Variants in WDSUB1 observed in about 807,000 individuals in gnomAD.
The protein encoded by WDSUB1 is WD repeat, SAM and U-box domain-containing protein 1.
A neutral mutation model predicts 53.9 loss-of-function variants in WDSUB1; 49 were observed. The observed-to-expected ratio is 0.91, with a 90% CI of 0.72 to 1.15. WDSUB1 has a LOEUF of 1.15. WDSUB1 is among the 50% of genes most tolerant of loss of function. The probability of loss-of-function intolerance (pLI) is 0.00; values close to 1 mark genes in which losing one functional copy is unlikely to be tolerated. For missense variants in WDSUB1, 514 were observed against 562.0 expected (o/e 0.91, Z 0.86); for synonymous variants, 194 against 200.6 (o/e 0.97, Z 0.28).
intron 6 of WDSUB1, among the ~76,000 whole-genome samples, chr2:159,259,469 C>A (rs914626646): frequency 3.9e-5 from 6 of 152,308 alleles, no homozygotes; most frequent in African/African-American, 1.4e-4. Context: ...TCACCAAAAA[C>A]CCTAGGGTAA....
intron 3 of WDSUB1, among the ~76,000 whole-genome samples, chr2:159,277,387 C>T (rs73967302): frequency 0.029 from 4,340 of 152,232 alleles, 196 homozygotes; most frequent in African/African-American, 0.094. Flanking sequence ...ATTAGCAACG[C>T]TATTTGTTTC....
chr2:159,273,489 C>T (rs763467277), intron 4 of WDSUB1, among the ~76,000 whole-genome samples: 13 of 151,990 alleles, frequency 8.6e-5, no homozygotes, highest in South Asian at 2.1e-4. Flanking sequence ...GGTACAGTCT[C>T]GGCTCACTGC....
Position 159,258,063 on chromosome 2 carries a change from G to A in WDSUB1, c.805-78C>T, listed in dbSNP as rs903001518. On this transcript the variant is annotated intron_variant, in intron 6 of 10. Coordinates refer to ENST00000359774, the MANE Select transcript of WDSUB1 (RefSeq NM_001128212.3). ...TGATGAAGACTCATTTGACATAAAT[G>A]GGTTGTATACTAAGTGGATATATTA... The A allele has an allele frequency of 1.3e-5, 17 of 1,293,424 alleles. No individual in the cohort carries two copies. In the African/African-American group the frequency reaches 2.4e-4, roughly 18 times the overall value. The allele number at this position is 1,293,424 out of a possible 1,614,324, so 80.1% of individuals were successfully genotyped here.
intron 9 of WDSUB1, among the ~76,000 whole-genome samples, chr2:159,252,485 C>G (rs1331984509): frequency 5.7e-4 from 87 of 152,062 alleles, no homozygotes; most frequent in Non-Finnish European, 1.5e-5. Flanking sequence ...CAAATGAGAC[C>G]CCAGCATGTC....
intron 4 of WDSUB1, among the ~76,000 whole-genome samples, chr2:159,273,601 G>T (rs749743785): frequency 3.3e-5 from 5 of 151,740 alleles, no homozygotes; most frequent in Non-Finnish European, 7.4e-5. Context: ...TTGTATTTTT[G>T]TCAAGACAGG....
intron 9 of WDSUB1, among the ~76,000 whole-genome samples, chr2:159,252,354 T>C (rs2060968782): frequency 6.6e-6 from 1 of 151,996 alleles, no homozygotes; most frequent in South Asian, 2.1e-4. Flanking sequence ...CAAAACAAGA[T>C]AGCAAGATAT....
At position 159,259,835 on chromosome 2, in the gene WDSUB1, T is replaced by C. The variant is rs2061151055; in HGVS notation, c.779A>G (p.Asp260Gly). ...DGQMLVSGSV[D>G]KSVIVYDTNT... ...AGTATCATATACTATGACAGACTTA[T>C]CCACTGACCTTAAAAGAAAATAAAT... Residue 260 changes from aspartate (D) to glycine (G), a missense_variant, in exon 6 of 11, where the codon GAT becomes GGT. Asp to Gly is a moderately conservative substitution (Grantham distance 94). Coordinates refer to ENST00000359774, the MANE Select transcript of WDSUB1 (RefSeq NM_001128212.3). 1.3e-6 allele frequency: 2 copies of C among 1,526,070 alleles called. No individual in the cohort carries two copies. Among genetic ancestry groups the C allele is most frequent in the African/African-American group, 1.4e-5 (1 of 72,452 alleles). The allele number at this position is 1,526,070 out of a possible 1,614,324, so 94.5% of individuals were successfully genotyped here.
chr2:159,256,489 G>GAT, intron 8 of WDSUB1, 114 bp from the exon 9 acceptor site: 1 of 1,089,032 alleles, frequency 9.2e-7, no homozygotes, highest in Non-Finnish European at 1.3e-6. Flanking sequence ...TTATAGCTAG[G>GAT]TACAGTGGCT....
intron 2 of WDSUB1, among the ~76,000 whole-genome samples, chr2:159,280,293 C>A (rs1041169937): frequency 1.3e-5 from 2 of 152,086 alleles, no homozygotes; most frequent in Non-Finnish European, 2.9e-5. Context: ...CAATGACAAG[C>A]AACATCAACT....
rs771277737 is a variant in WDSUB1 at position 159,257,883 on chromosome 2, T to C, written c.846-19A>G. 1.1e-5 allele frequency: 17 copies of C among 1,611,876 alleles called. No homozygotes were observed. In the Admixed American group the frequency reaches 1.2e-4, roughly 11 times the overall value. On this transcript the variant is annotated intron_variant, in intron 7 of 10. Coordinates refer to ENST00000359774, the MANE Select transcript of WDSUB1 (RefSeq NM_001128212.3). ...GACATACCTAGTTAATAAAAACAAC[T>C]ATTATGTATCTTCTGACTAATTTTT...
chr2:159,242,050 A>G (rs1190664375), intron 10 of WDSUB1, among the ~76,000 whole-genome samples: 3 of 143,942 alleles, frequency 2.1e-5, no homozygotes, highest in African/African-American at 5.5e-5. Flanking sequence ...AACAAAAGCA[A>G]CTTTTATTTA....
At chr2:159,247,150 T>C (rs181128997) in intron 10 of WDSUB1, among the ~76,000 whole-genome samples, 1 of 152,312 alleles carries the variant, frequency 6.6e-6, no homozygotes, top group East Asian at 1.9e-4. Flanking sequence ...GCTATACTCA[T>C]AGCAAATTTC....
At chr2:159,258,079 G>C in intron 6 of WDSUB1, 94 bp from the exon 7 acceptor site, 1 of 1,059,328 alleles carries the variant, frequency 9.4e-7, no homozygotes, top group Non-Finnish European at 1.4e-6. Flanking sequence ...TATACTAAGT[G>C]GATATATTAA....
In WDSUB1 at chr2:159,282,734, C is replaced by A. The variant is rs1364571022; in HGVS notation, c.336G>T (p.Leu112Phe). Reference protein sequence around the residue: ...VCQFSPDSTCLASGAADGTVV... With the variant: ...VCQFSPDSTCFASGAADGTVV... ...CAGTTCCATCAGCTGCCCCTGATGC[C>A]AAACACGTGGAGTCTGGGGAAAACT... The change falls in exon 2 of 11, where the codon TTG (leucine) becomes TTT (phenylalanine). Residue 112 changes from leucine (L) to phenylalanine (F), a missense_variant. Coordinates refer to ENST00000359774, the MANE Select transcript of WDSUB1 (RefSeq NM_001128212.3). 1.2e-5 allele frequency: 19 copies of A among 1,614,066 alleles called. No homozygotes were observed. Among genetic ancestry groups the A allele is most frequent in the Non-Finnish European group, 1.5e-5 (18 of 1,179,996 alleles).
Position 159,283,093 on chromosome 2 carries a change from C to A in WDSUB1, c.-24G>T. 6.3e-7 allele frequency: 1 copy of A among 1,579,238 alleles called. No homozygotes were observed. Among genetic ancestry groups the A allele is most frequent in the South Asian group, 1.2e-5 (1 of 86,462 alleles). On this transcript the variant is annotated splice_region_variant and 5_prime_UTR_variant, in exon 2 of 11. Transcript: ENST00000359774. Reference sequence around the variant, plus strand: ...ATGTTCTTTATTTGAAGAAAAACAGCCTGAAATTTTTAAGCAGATAAAGAT... The same window carrying A: ...ATGTTCTTTATTTGAAGAAAAACAGACTGAAATTTTTAAGCAGATAAAGAT...
chr2:159,277,155 A>G (rs1338279756), intron 3 of WDSUB1, among the ~76,000 whole-genome samples: 3 of 152,174 alleles, frequency 2.0e-5, no homozygotes, highest in African/African-American at 7.2e-5. Flanking sequence ...CTAACGAACA[A>G]CAAATTAAAT....
chr2:159,277,838 C>T (rs938823272), intron 3 of WDSUB1, among the ~76,000 whole-genome samples: 4 of 152,006 alleles, frequency 2.6e-5, no homozygotes, highest in Non-Finnish European at 4.4e-5. Flanking sequence ...GATATATTTC[C>T]ACAGCAACAC....
At chr2:159,253,361 C>G (rs2060992262) in intron 9 of WDSUB1, among the ~76,000 whole-genome samples, 1 of 152,070 alleles carries the variant, frequency 6.6e-6, no homozygotes, top group African/African-American at 2.4e-5. Flanking sequence ...CTATTGTACC[C>G]TAGGCTTCCA....
intron 5 of WDSUB1, among the ~76,000 whole-genome samples, chr2:159,270,131 T>TTA (rs1319734471): frequency 6.6e-6 from 1 of 152,238 alleles, no homozygotes; most frequent in African/African-American, 2.4e-5. Context: ...TTTATTTCCA[T>TTA]TATATATTTC....
Sources: gnomAD v4.1 joint callset for allele counts (sites outside exome capture counted in the v4.1 genomes callset) on GRCh38, gnomAD v4.1.1 for gene constraint, MANE v1.5 for transcripts, NCBI Gene and HGNC (gene_info 2026-07-23, HGNC 2026-07-21) for gene names.